Variants in VDR observed in about 807,000 individuals in gnomAD.
VDR encodes vitamin D3 receptor.
A neutral mutation model predicts 39.7 loss-of-function variants in VDR; 19 were observed. That is an observed-to-expected ratio of 0.48 (90% CI 0.33 to 0.70). The LOEUF is 0.70. Ranked by LOEUF, VDR falls within the 30% of genes least tolerant of loss-of-function variation. VDR has a pLI of 0.02. For synonymous variants in VDR, 242 were observed against 215.8 expected, an observed-to-expected ratio of 1.12 and a Z score of -1.07; for missense variants, 442 against 570.5, an observed-to-expected ratio of 0.77 and a Z score of 2.29.
intron 8 of VDR, 57 bp downstream of exon 8, chr12:47,846,600 T>C: frequency 6.2e-7 from 1 of 1,609,998 alleles, no homozygotes; most frequent in Non-Finnish European, 8.5e-7. Flanking sequence ...CCAGGACGGG[T>C]GGAGCCAGAA....
intron 1 of VDR, 98 bp from the exon 2 acceptor site, chr12:47,882,872 T>A: frequency 1.1e-6 from 1 of 925,828 alleles, no homozygotes; most frequent in Non-Finnish European, 1.6e-6. Context: ...TCCAGGGACT[T>A]TAGTCCCCAG....
chr12:47,898,924 G>C (rs772194510), intron 1 of VDR: 1 of 152,912 alleles, frequency 6.5e-6, no homozygotes, highest in Non-Finnish European at 1.5e-5. Context: ...AATGCAAATG[G>C]GGAGAGGCAG....
intron 4 of VDR, 84 bp downstream of exon 4, chr12:47,864,963 C>T (rs931029523): frequency 1.4e-4 from 231 of 1,598,010 alleles, no homozygotes; most frequent in Non-Finnish European, 1.9e-4. Context: ...GGCAGACCCT[C>T]TGCCCAAACT....
intron 5 of VDR, 59 bp from the exon 6 acceptor site, chr12:47,857,308 CCTGATCTCTGATAGGAATGG>C: frequency 6.2e-7 from 1 of 1,613,232 alleles, no homozygotes; most frequent in Non-Finnish European, 8.5e-7. Context: ...CTACCTTGGC[CCTGATCTCTGATAGGAATGG>C]CTTTGAGGAA....
At chr12:47,869,625 G>A (rs1188067769) in intron 3 of VDR, among the ~76,000 whole-genome samples, 15 of 151,608 alleles carry the variant, frequency 9.9e-5, no homozygotes, top group Admixed American at 7.9e-4. Flanking sequence ...GTGCAGTGGC[G>A]TGAGCACGCC....
intron 1 of VDR, among the ~76,000 whole-genome samples, chr12:47,883,930 C>T (rs2238136): frequency 0.2 from 30,045 of 152,194 alleles, 3,442 homozygotes; most frequent in Non-Finnish European, 0.26. Context: ...GCCAAGATAA[C>T]CTAAGCTGGG....
chr12:47,862,270 A>G (rs79428807), intron 4 of VDR, among the ~76,000 whole-genome samples: 2,230 of 152,346 alleles, frequency 0.015, 58 homozygotes, highest in African/African-American at 0.051. Flanking sequence ...GCTCTCTTCA[A>G]TCCATCTCTT....
At chr12:47,867,075 G>T (rs1342469025) in intron 3 of VDR, among the ~76,000 whole-genome samples, 2 of 152,012 alleles carry the variant, frequency 1.3e-5, no homozygotes, top group Non-Finnish European at 2.9e-5. Context: ...CACCCTTGAG[G>T]CTGGGTGTGG....
At chr12:47,849,430 G>A (rs531365503) in intron 7 of VDR, among the ~76,000 whole-genome samples, 19 of 152,310 alleles carry the variant, frequency 1.2e-4, no homozygotes, top group South Asian at 1.0e-3. Flanking sequence ...GGTTGTTAGC[G>A]CCGAGATTAA....
At chr12:47,869,872 G>A (rs537992168) in intron 3 of VDR, among the ~76,000 whole-genome samples, 3 of 152,288 alleles carry the variant, frequency 2.0e-5, no homozygotes, top group African/African-American at 7.2e-5. Flanking sequence ...ACTTCAGTGT[G>A]GGTGACAAAG....
intron 3 of VDR, among the ~76,000 whole-genome samples, chr12:47,874,647 G>A (rs987770973): frequency 2.6e-5 from 4 of 152,196 alleles, no homozygotes; most frequent in Non-Finnish European, 5.9e-5. Flanking sequence ...TCCCAACAGG[G>A]AGGAAGAAGA....
chr12:47,887,322 C>CAAAAAAAAAA (rs10686139), intron 1 of VDR, among the ~76,000 whole-genome samples: 8 of 72,070 alleles, frequency 1.1e-4, no homozygotes, highest in Non-Finnish European at 1.3e-4. Context: ...AACTCCGTCT[C>CAAAAAAAAAA]AAAAAAAAAA....
intron 1 of VDR, among the ~76,000 whole-genome samples, chr12:47,887,502 G>A (rs989726632): frequency 6.6e-6 from 1 of 152,218 alleles, no homozygotes; most frequent in African/African-American, 2.4e-5. Flanking sequence ...TGAAGTTGCA[G>A]GGGAGAAGCA....
In VDR at chr12:47,879,096, G is replaced by A. The variant is rs759925006; in HGVS notation, c.18C>T (p.Ala6=). Residue 6 remains alanine, a synonymous_variant, in exon 3 of 10, where the codon GCC becomes GCT. Coordinates refer to ENST00000549336, the MANE Select transcript of VDR (RefSeq NM_000376.3). MEAMA[A]STSLPDPGDF... Reference sequence around the variant, plus strand: ...CTCCAGGGTCAGGCAGGGAAGTGCTGGCCGCCATTGCCTCCATCCCTGTAA... The same window carrying A: ...CTCCAGGGTCAGGCAGGGAAGTGCTAGCCGCCATTGCCTCCATCCCTGTAA... The A allele has an allele frequency of 1.2e-6, 2 of 1,613,912 alleles. No individual in the cohort carries two copies. The highest frequency in any genetic ancestry group is 1.7e-6 in the Non-Finnish European group (2 of 1,179,960).
chr12:47,903,811 A>T (rs1394352712), intron 1 of VDR, among the ~76,000 whole-genome samples: 1 of 152,188 alleles, frequency 6.6e-6, no homozygotes, highest in African/African-American at 2.4e-5. Context: ...GAGAAAGATG[A>T]GATGTAGATT....
intron 3 of VDR, 136 bp from the exon 4 acceptor site, chr12:47,865,313 G>A (rs1164377794): frequency 7.5e-7 from 1 of 1,327,994 alleles, no homozygotes; most frequent in Non-Finnish European, 1.1e-6. Flanking sequence ...CCAGCTGCCA[G>A]TCACTCTCAC....
At chr12:47,860,190 T>C (rs1945598471) in intron 4 of VDR, among the ~76,000 whole-genome samples, 1 of 152,038 alleles carries the variant, frequency 6.6e-6, no homozygotes, top group Non-Finnish European at 1.5e-5. Flanking sequence ...GGTCTCAAAC[T>C]CCTGACCTCA....
At chr12:47,852,817 T>G (rs778801079) in intron 7 of VDR, among the ~76,000 whole-genome samples, 2 of 152,156 alleles carry the variant, frequency 1.3e-5, no homozygotes, top group African/African-American at 2.4e-5. Context: ...TCTACACAGC[T>G]AAGAGGGCCA....
rs1212238799 is a variant in VDR at position 47,857,228 on chromosome 12, C to T, written c.484G>A (p.Gly162Ser). 12 of 1,614,068 alleles carry T rather than the reference C, an allele frequency of 7.4e-6. No homozygotes were observed. Among genetic ancestry groups the T allele is most frequent in the African/African-American group, 1.3e-5 (1 of 74,922 alleles). ...GGCCTGGAAGGATGGCTCCCTCCAC[C>T]ATCATTCACACGAACTGGAGGCTGG... Reference protein sequence around the residue: ...QFRPPVRVNDGGGSHPSRPNS... With the variant: ...QFRPPVRVNDSGGSHPSRPNS... The change falls in exon 6 of 10, where the codon GGT (glycine) becomes AGT (serine). Residue 162 changes from glycine (G) to serine (S), a missense_variant. By Grantham distance (56) the Gly-to-Ser change is moderately conservative (BLOSUM62 0). Around this residue, in one of 5 missense-constraint regions of VDR, gnomAD observed 77 missense variants for 67.4 expected, o/e 1.14. Coordinates refer to ENST00000549336, the MANE Select transcript of VDR (RefSeq NM_000376.3).
Sources: allele counts gnomAD v4.1 joint callset (sites outside exome capture counted in the v4.1 genomes callset), GRCh38; gene constraint gnomAD v4.1.1; regional missense constraint gnomAD v4.1.1; transcripts MANE v1.5; gene names NCBI Gene and HGNC (gene_info 2026-07-23, HGNC 2026-07-21).